ARPP21: variants seen among roughly 807,000 people sequenced by gnomAD.
The protein encoded by ARPP21 is cAMP regulated phosphoprotein 21.
A neutral mutation model predicts 113.2 loss-of-function variants in ARPP21; 69 were observed. The observed-to-expected ratio is 0.61, with a 90% CI of 0.50 to 0.74. The LOEUF (loss-of-function observed/expected upper bound fraction) is 0.74. Ranked by LOEUF, ARPP21 falls within the 30% of genes least tolerant of loss-of-function variation. The pLI is 0.00. For missense variants in ARPP21, 1,070 were observed against 1,037.4 expected (o/e 1.03, Z -0.43); for synonymous variants, 368 against 375.5 (o/e 0.98, Z 0.23).
rs114631818 is a variant in ARPP21 at position 35,646,140 on chromosome 3, G to A, written c.-213+5742G>A. On this transcript the variant is annotated intron_variant, in intron 1 of 20. Coordinates refer to ENST00000684406, the MANE Select transcript of ARPP21 (RefSeq NM_001385562.1). ...ATCGAGCCACTGGTCAATAGAGGGT[G>A]AAGGAAGAGCATGTCAACTCACCGA... Among the ~76,000 whole-genome samples the A allele has an allele frequency of 5.7e-3, 871 of 152,102 alleles. 6 individuals are homozygous for A. Among genetic ancestry groups the A allele is most frequent in the African/African-American group, 0.02 (840 of 41,536 alleles).
chr3:35,754,782 A>G (rs1344430437), intron 19 of ARPP21, among the ~76,000 whole-genome samples: 3 of 151,934 alleles, frequency 2.0e-5, no homozygotes, highest in African/African-American at 7.2e-5. Context: ...TTTGTATTTT[A>G]TGTGATTTTT....
intron 9 of ARPP21, among the ~76,000 whole-genome samples, chr3:35,704,205 T>C (rs759142524): frequency 2.6e-5 from 4 of 152,002 alleles, no homozygotes; most frequent in South Asian, 2.1e-4. Context: ...CCTAAGGTGT[T>C]TGAAATGCAG....
chr3:35,697,538 G>T (rs990340173), intron 9 of ARPP21, among the ~76,000 whole-genome samples: 3 of 151,682 alleles, frequency 2.0e-5, no homozygotes, highest in East Asian at 3.9e-4. Context: ...CTTCCCTATA[G>T]ATAGAGCAAT....
intron 9 of ARPP21, among the ~76,000 whole-genome samples, chr3:35,696,006 G>A (rs1420422325): frequency 6.6e-6 from 1 of 151,476 alleles, no homozygotes; most frequent in African/African-American, 2.4e-5. Context: ...ATGCTCTACT[G>A]GCTGGAGGCA....
At chr3:35,711,636 T>C (rs1319670593) in intron 11 of ARPP21, among the ~76,000 whole-genome samples, 4 of 152,194 alleles carry the variant, frequency 2.6e-5, no homozygotes, top group Non-Finnish European at 2.9e-5. Context: ...GAGGTTGCAG[T>C]TAAGCTGTCA....
At chr3:35,749,464 T>A (rs75793720) in intron 19 of ARPP21, among the ~76,000 whole-genome samples, 7,450 of 130,464 alleles carry the variant, frequency 0.057, 611 homozygotes, top group African/African-American at 0.2. Context: ...ACTTATAAAA[T>A]CCTATGTGTG....
At chr3:35,733,587 T>C (rs1308672617) in intron 15 of ARPP21, among the ~76,000 whole-genome samples, 2 of 152,238 alleles carry the variant, frequency 1.3e-5, no homozygotes, top group East Asian at 3.9e-4. Flanking sequence ...AACTAATTGC[T>C]TGTATTCAGT....
At chr3:35,646,728 C>A (rs1700374343) in intron 1 of ARPP21, among the ~76,000 whole-genome samples, 1 of 151,876 alleles carries the variant, frequency 6.6e-6, no homozygotes, top group African/African-American at 2.4e-5. Flanking sequence ...TGGACTACTT[C>A]ATATATCTGG....
chr3:35,669,125 CCTTCT>C (rs2075692331), intron 1 of ARPP21, among the ~76,000 whole-genome samples: 1 of 151,898 alleles, frequency 6.6e-6, no homozygotes, highest in South Asian at 2.1e-4. Flanking sequence ...GTTGGGTCTT[CCTTCT>C]TTCCTTCTTT....
intron 1 of ARPP21, among the ~76,000 whole-genome samples, chr3:35,659,981 A>G (rs1706937680): frequency 6.6e-6 from 1 of 152,158 alleles, no homozygotes; most frequent in African/African-American, 2.4e-5. Context: ...CAAGAGTCAC[A>G]GGTGTGCATT....
Position 35,681,768 on chromosome 3 carries a change from A to T in ARPP21, c.17A>T (p.Asp6Val). Residue 6 changes from aspartate to valine, a missense_variant, in exon 3 of 21, where the codon GAC becomes GTC. Physicochemically the swap from Asp to Val is radical, Grantham distance 152. Coordinates refer to ENST00000684406, the MANE Select transcript of ARPP21 (RefSeq NM_001385562.1). MSEQG[D>V]LNQAIAEEGG... ...TCTGGGAGAATGTCTGAGCAAGGAGACCTGAATCAGGCAATAGCAGAGGAA... is the reference window on the plus strand; with the variant it reads ...TCTGGGAGAATGTCTGAGCAAGGAGTCCTGAATCAGGCAATAGCAGAGGAA... The T allele has an allele frequency of 6.2e-7, 1 of 1,611,166 alleles. No individual in the cohort carries two copies. The highest frequency in any genetic ancestry group is 8.5e-7 in the Non-Finnish European group (1 of 1,178,076).
In ARPP21 at chr3:35,740,102, G is replaced by T. The variant is rs189405792; in HGVS notation, c.2010+525G>T. 8.7e-4 allele frequency among the ~76,000 whole-genome samples: 132 copies of T among 152,312 alleles called. 1 individual carries two copies. The highest frequency in any genetic ancestry group is 8.5e-3 in the Admixed American group (130 of 15,298). On this transcript the variant is annotated intron_variant, in intron 18 of 20. Coordinates refer to ENST00000684406, the MANE Select transcript of ARPP21 (RefSeq NM_001385562.1). ...CACAGTCCTTTTCTCTCCCTAAGGG[G>T]AAGCAGAGCTCACACATCTCTCACA... is the stretch of plus-strand genomic sequence containing the variant.
At chr3:35,749,677 C>T (rs1296055691) in intron 19 of ARPP21, among the ~76,000 whole-genome samples, 1 of 151,968 alleles carries the variant, frequency 6.6e-6, no homozygotes, top group Non-Finnish European at 1.5e-5. Context: ...TTTTCAGAAA[C>T]ATTTTTTTAA....
At chr3:35,787,501 T>C (rs971088786) in intron 19 of ARPP21, among the ~76,000 whole-genome samples, 2 of 152,228 alleles carry the variant, frequency 1.3e-5, no homozygotes, top group African/African-American at 4.8e-5. Flanking sequence ...GACAAGAGTC[T>C]GTTTGAATAG....
chr3:35,667,114 T>C (rs1361642730), intron 1 of ARPP21, among the ~76,000 whole-genome samples: 2 of 152,188 alleles, frequency 1.3e-5, no homozygotes, highest in African/African-American at 4.8e-5. Flanking sequence ...CTTCCTCCAC[T>C]CTAAAATGTG....
chr3:35,730,136 G>C (rs887623160), intron 15 of ARPP21, among the ~76,000 whole-genome samples: 6 of 152,220 alleles, frequency 3.9e-5, no homozygotes, highest in Non-Finnish European at 8.8e-5. Context: ...GTGGGGTTTA[G>C]AAAATTGTTC....
At chr3:35,713,781 G>A (rs1281554560) in intron 11 of ARPP21, among the ~76,000 whole-genome samples, 1 of 152,128 alleles carries the variant, frequency 6.6e-6, no homozygotes, top group Non-Finnish European at 1.5e-5. Context: ...ATTAGATTGA[G>A]TCTAAAGAGG....
At chr3:35,782,508 T>G (rs2096546708) in intron 19 of ARPP21, among the ~76,000 whole-genome samples, 1 of 152,120 alleles carries the variant, frequency 6.6e-6, no homozygotes, top group East Asian at 1.9e-4. Flanking sequence ...CTGTCTTGTA[T>G]CCTCAAGAGG....
intron 19 of ARPP21, among the ~76,000 whole-genome samples, chr3:35,750,274 T>C (rs984503409): frequency 6.6e-6 from 1 of 152,128 alleles, no homozygotes; most frequent in African/African-American, 2.4e-5. Flanking sequence ...ATTTTCGTTT[T>C]CATTCATTTG....
Sources: gnomAD v4.1 joint callset for allele counts (sites outside exome capture counted in the v4.1 genomes callset) on GRCh38, gnomAD v4.1.1 for gene constraint, MANE v1.5 for transcripts, NCBI Gene and HGNC (gene_info 2026-07-23, HGNC 2026-07-21) for gene names.